The following ANK3 variants were observed in gnomAD, a reference collection of about 807,000 sequenced individuals.
ANK3 encodes the protein ankyrin-3.
ANK3 carries 57 observed loss-of-function variants against 370.9 expected under a neutral mutation model. The ratio of observed to expected loss-of-function variants is 0.15; its 90% confidence interval spans 0.12 to 0.19. The LOEUF is 0.19. Ranked by LOEUF, ANK3 falls within the 10% of genes least tolerant of loss-of-function variation. The pLI is 1.00. For missense variants in ANK3, 4,439 were observed against 5,302.1 expected, an observed-to-expected ratio of 0.84 and a Z score of 5.06; for synonymous variants, 1,929 against 1,946.3, an observed-to-expected ratio of 0.99 and a Z score of 0.23.
At chr10:60,350,742 T>C (rs2056680365) in intron 1 of ANK3, among the ~76,000 whole-genome samples, 1 of 152,058 alleles carries the variant, frequency 6.6e-6, no homozygotes, top group Admixed American at 6.5e-5. Context: ...GTTTTTTAGG[T>C]CAGCCATCAA....
chr10:60,178,411 C>A (rs763081885), intron 18 of ANK3, among the ~76,000 whole-genome samples: 104 of 152,190 alleles, frequency 6.8e-4, no homozygotes, highest in African/African-American at 2.3e-3. Flanking sequence ...ATCTGTAAGA[C>A]GAGGATGCTA....
At chr10:60,711,622 C>A (rs982174135) in intron 1 of ANK3, among the ~76,000 whole-genome samples, 2 of 151,658 alleles carry the variant, frequency 1.3e-5, no homozygotes, top group Admixed American at 1.3e-4. Flanking sequence ...ATGGCAATGC[C>A]AGGAGAAGAA....
intron 1 of ANK3, among the ~76,000 whole-genome samples, chr10:60,679,721 G>A (rs1402052806): frequency 5.9e-5 from 9 of 152,156 alleles, no homozygotes; most frequent in Non-Finnish European, 8.8e-5. Context: ...AAAACTCCAC[G>A]TCAAGGGTTG....
At chr10:60,079,464 G>C (rs2084664199) in intron 36 of ANK3, among the ~76,000 whole-genome samples, 1 of 152,134 alleles carries the variant, frequency 6.6e-6, no homozygotes, top group Non-Finnish European at 1.5e-5. Flanking sequence ...TGGTGCAGTA[G>C]TGTCCTGCCG....
rs891606373 is a variant in ANK3 at position 60,198,820 on chromosome 10, T to C, written c.1492-283A>G. ...CCACACCTGCCACAGAGAATCAAAT[T>C]TGAACTTTAATTGCTCCTTCTTTGG... On this transcript the variant is annotated intron_variant, in intron 13 of 43. Coordinates refer to ENST00000280772, the MANE Select transcript of ANK3 (RefSeq NM_020987.5). Among the ~76,000 whole-genome samples the C allele has an allele frequency of 2.1e-4, 32 of 152,108 alleles. 1 individual carries two copies. The highest frequency in any genetic ancestry group is 7.5e-4 in the African/African-American group (31 of 41,416).
chr10:60,053,802 A>G lies in ANK3; in HGVS notation c.13065+1856T>C, dbSNP rs146592530. On this transcript the variant is annotated intron_variant, in intron 42 of 43. Transcript: ENST00000280772. ...AGATGACCTAGTTGGTTGCTATTAT[A>G]CTATGGTATAGCCACAAACGATACA... 59 of 1,202,106 alleles carry G rather than the reference A, an allele frequency of 4.9e-5. 1 individual carries two copies. The highest frequency in any genetic ancestry group is 2.8e-4 in the African/African-American group (18 of 63,368). 74.5% of individuals were successfully genotyped at this position (1,202,106 alleles called of 1,614,324 possible). A position where few individuals can be genotyped will look rare whatever the true frequency, so the allele number is the denominator to read the frequency against.
chr10:60,443,542 A>G, intron 2 of ANK3, among the ~76,000 whole-genome samples: 1 of 152,154 alleles, frequency 6.6e-6, no homozygotes, highest in Non-Finnish European at 1.5e-5. Flanking sequence ...TACTGCCAAC[A>G]TAAACTCCTT....
chr10:60,722,904 A>G (rs1313415319), intron 1 of ANK3, among the ~76,000 whole-genome samples: 1 of 152,170 alleles, frequency 6.6e-6, no homozygotes, highest in African/African-American at 2.4e-5. Context: ...AGATGCCAAC[A>G]CCGTGCTTCC....
intron 1 of ANK3, among the ~76,000 whole-genome samples, chr10:60,703,590 T>C (rs1167805483): frequency 6.6e-6 from 1 of 152,170 alleles, no homozygotes; most frequent in Non-Finnish European, 1.5e-5. Flanking sequence ...TATAAGCTCT[T>C]CTTTAAAACA....
At chr10:60,527,155 T>G (rs193204952) in intron 2 of ANK3, among the ~76,000 whole-genome samples, 3 of 152,166 alleles carry the variant, frequency 2.0e-5, no homozygotes, top group Non-Finnish European at 4.4e-5. Context: ...TCAATGGCTC[T>G]TAGCACTGAC....
Position 60,196,522 on chromosome 10 carries a change from C to T in ANK3, c.1788+5G>A. On this transcript the variant is annotated splice_donor_5th_base_variant and intron_variant, in intron 15 of 43. Transcript: ENST00000280772. ...CCTGCTTCAGGGTGGCTGGTGACCTCTTACCTTCCCAGCAGCATCTGGAGA... is the reference window on the plus strand; with the variant it reads ...CCTGCTTCAGGGTGGCTGGTGACCTTTTACCTTCCCAGCAGCATCTGGAGA... The T allele has an allele frequency of 6.2e-7, 1 of 1,604,430 alleles. No homozygotes were observed.
intron 1 of ANK3, among the ~76,000 whole-genome samples, chr10:60,616,907 C>CT: frequency 6.6e-6 from 1 of 152,144 alleles, no homozygotes; most frequent in East Asian, 1.9e-4. Context: ...ATGGTATGTA[C>CT]TTTTTATTCG....
At chr10:60,381,447 C>A (rs980000810) in intron 1 of ANK3, among the ~76,000 whole-genome samples, 1 of 152,046 alleles carries the variant, frequency 6.6e-6, no homozygotes, top group African/African-American at 2.4e-5. Context: ...AGATTTAATT[C>A]CCTGAGGGCT....
In ANK3 at chr10:60,528,303, A is replaced by C. The variant is rs531760480; in HGVS notation, c.96+86883T>G. On this transcript the variant is annotated intron_variant, in intron 2 of 43. Transcript: ENST00000373827. ...AGGCATACACCACCATACCTGGCTA[A>C]TTTTATATTTTTAGTAGAGACGGTG... Among the ~76,000 whole-genome samples the C allele has an allele frequency of 5.3e-5, 8 of 151,708 alleles. No homozygotes were observed. The South Asian group carries it at 1.7e-3, about 32-fold the overall frequency.
chr10:60,407,705 G>C (rs1038698394), intron 2 of ANK3, among the ~76,000 whole-genome samples: 1 of 152,174 alleles, frequency 6.6e-6, no homozygotes, highest in African/African-American at 2.4e-5. Flanking sequence ...TGAGGCTCAA[G>C]AGAGATTAAA....
At chr10:60,330,847 CA>C (rs1183000337) in intron 1 of ANK3, among the ~76,000 whole-genome samples, 1 of 152,118 alleles carries the variant, frequency 6.6e-6, no homozygotes, top group Non-Finnish European at 1.5e-5. Flanking sequence ...TTCACAATAG[CA>C]AAGACTTGGA....
intron 2 of ANK3, among the ~76,000 whole-genome samples, chr10:60,566,693 T>C (rs1273884533): frequency 1.3e-5 from 2 of 152,126 alleles, no homozygotes; most frequent in African/African-American, 4.8e-5. Context: ...GGCAACATTG[T>C]GAGACCTCAT....
chr10:60,244,450 TA>T (rs2132575876), intron 7 of ANK3, among the ~76,000 whole-genome samples: 1 of 152,320 alleles, frequency 6.6e-6, no homozygotes, highest in African/African-American at 2.4e-5. Context: ...TCTAAAATAA[TA>T]AAAGTTGAGA....
intron 2 of ANK3, among the ~76,000 whole-genome samples, chr10:60,448,515 AG>A (rs1176564676): frequency 2.0e-5 from 3 of 152,206 alleles, no homozygotes; most frequent in Non-Finnish European, 2.9e-5. Flanking sequence ...CTGTTTTCTA[AG>A]ACAGTTAGTT....
Sources: allele counts gnomAD v4.1 joint callset (sites outside exome capture counted in the v4.1 genomes callset), GRCh38; gene constraint gnomAD v4.1.1; transcripts MANE v1.5; gene names NCBI Gene and HGNC (gene_info 2026-07-23, HGNC 2026-07-21).